CEP112: variants seen among roughly 807,000 people sequenced by gnomAD.
The protein encoded by CEP112 is centrosomal protein of 112 kDa.
CEP112 carries 127 observed loss-of-function variants against 153.0 expected under a neutral mutation model. The observed-to-expected ratio is 0.83, with a 90% CI of 0.72 to 0.96. CEP112 has a LOEUF of 0.96. Ranked by LOEUF, CEP112 falls within the 40% of genes least tolerant of loss-of-function variation. The pLI is 0.00. For synonymous variants in CEP112, 358 were observed against 374.4 expected (o/e 0.96, Z 0.51); for missense variants, 1,089 against 1,101.2 (o/e 0.99, Z 0.16).
chr17:66,097,132 T>C (rs1243275170), intron 6 of CEP112, among the ~76,000 whole-genome samples: 2 of 152,106 alleles, frequency 1.3e-5, no homozygotes, highest in Non-Finnish European at 2.9e-5. Context: ...CCTTTGGGAC[T>C]CCCCCTAAAT....
At chr17:65,695,381 TGTGAGTTTG>T (rs1182363755) in intron 23 of CEP112, among the ~76,000 whole-genome samples, 24 of 152,208 alleles carry the variant, frequency 1.6e-4, no homozygotes, top group African/African-American at 5.8e-4. Context: ...AGGGCTTTTC[TGTGAGTTTG>T]GGGAAAAAAG....
intron 5 of CEP112, among the ~76,000 whole-genome samples, chr17:66,130,713 T>C (rs905799606): frequency 3.4e-5 from 5 of 147,418 alleles, no homozygotes; most frequent in East Asian, 3.9e-4. Context: ...GAGGTGGAGC[T>C]TGCAGTGAGC....
intron 16 of CEP112, among the ~76,000 whole-genome samples, chr17:66,006,478 C>T (rs1808922): frequency 0.41 from 62,020 of 151,260 alleles, 14,095 homozygotes; most frequent in East Asian, 0.87. Flanking sequence ...TGGTAGCGCA[C>T]GCCTGTAAGC....
intron 4 of CEP112, among the ~76,000 whole-genome samples, chr17:66,142,713 C>T (rs1692692551): frequency 6.6e-6 from 1 of 152,084 alleles, no homozygotes; most frequent in African/African-American, 2.4e-5. Flanking sequence ...GTCTATATGT[C>T]TGTCTTTACG....
chr17:66,077,785 T>C (rs1428977207), intron 8 of CEP112, among the ~76,000 whole-genome samples: 4 of 152,220 alleles, frequency 2.6e-5, no homozygotes, highest in Non-Finnish European at 5.9e-5. Context: ...TGGTTATTAG[T>C]CCATTGTCAG....
chr17:66,190,226 T>G (rs148069826), intron 1 of CEP112, among the ~76,000 whole-genome samples: 5,302 of 151,886 alleles, frequency 0.035, 138 homozygotes, highest in Middle Eastern at 0.061. Context: ...GGAGAATCGC[T>G]TGAACCTGGG....
chr17:66,088,862 C>T (rs1009098662), intron 8 of CEP112, among the ~76,000 whole-genome samples: 1 of 152,044 alleles, frequency 6.6e-6, no homozygotes, highest in African/African-American at 2.4e-5. Context: ...TCCCAGTGGA[C>T]CAAAGAACCA....
chr17:66,018,435 G>T (rs556363440), intron 16 of CEP112, among the ~76,000 whole-genome samples: 19 of 152,238 alleles, frequency 1.2e-4, no homozygotes, highest in African/African-American at 4.6e-4. Context: ...ATAGTAAAGT[G>T]CACAGAGGAG....
At chr17:66,016,745 GA>G (rs1489722315) in intron 16 of CEP112, among the ~76,000 whole-genome samples, 2 of 151,950 alleles carry the variant, frequency 1.3e-5, no homozygotes, top group African/African-American at 4.8e-5. Context: ...ATTTACTGTT[GA>G]TTTTTTTTTT....
chr17:66,020,313 A>C (rs944208894), intron 16 of CEP112, among the ~76,000 whole-genome samples: 3 of 149,950 alleles, frequency 2.0e-5, no homozygotes, highest in African/African-American at 7.3e-5. Flanking sequence ...CTGCATTAAA[A>C]CTGCAACAAT....
chr17:65,900,806 G>T (rs1029305775), intron 20 of CEP112, among the ~76,000 whole-genome samples: 1 of 152,094 alleles, frequency 6.6e-6, no homozygotes, highest in Non-Finnish European at 1.5e-5. Context: ...CTCTAATGAG[G>T]CTGGTGGCAA....
At chr17:65,875,655 A>T (rs867088025) in intron 20 of CEP112, among the ~76,000 whole-genome samples, 1 of 152,166 alleles carries the variant, frequency 6.6e-6, no homozygotes, top group Admixed American at 6.5e-5. Flanking sequence ...GAATAACTAA[A>T]CTTTCATTTT....
intron 20 of CEP112, among the ~76,000 whole-genome samples, chr17:65,870,052 A>AGAAG: frequency 1.3e-5 from 1 of 77,150 alleles, no homozygotes; most frequent in Non-Finnish European, 3.1e-5. Flanking sequence ...AAAGAAAGAA[A>AGAAG]GAAAGAAAGA....
At chr17:66,146,566 G>A (rs2070928647) in intron 4 of CEP112, among the ~76,000 whole-genome samples, 1 of 152,036 alleles carries the variant, frequency 6.6e-6, no homozygotes, top group Non-Finnish European at 1.5e-5. Context: ...ATACGGTTCA[G>A]TGGTATTAAG....
chr17:65,705,614 C>A (rs1006163856), intron 23 of CEP112, among the ~76,000 whole-genome samples: 1 of 152,112 alleles, frequency 6.6e-6, no homozygotes, highest in Non-Finnish European at 1.5e-5. Context: ...TTCAATGACA[C>A]CACAAGGAAG....
chr17:66,015,501 A>G (rs1443300), intron 16 of CEP112, among the ~76,000 whole-genome samples: 78,232 of 152,002 alleles, frequency 0.51, 21,066 homozygotes, highest in African/African-American at 0.59. Flanking sequence ...GGCTTTGCAC[A>G]TTCAAAAATG....
intron 19 of CEP112, among the ~76,000 whole-genome samples, chr17:65,911,789 G>A (rs2060293976): frequency 6.6e-6 from 1 of 152,128 alleles, no homozygotes; most frequent in Non-Finnish European, 1.5e-5. Context: ...CCTGTTTCTA[G>A]AAAATTGTTT....
chr17:66,152,181 T>C (rs886656065), intron 4 of CEP112, among the ~76,000 whole-genome samples: 1 of 152,162 alleles, frequency 6.6e-6, no homozygotes, highest in Admixed American at 6.5e-5. Flanking sequence ...ACAAAGTTGA[T>C]TTGAAGAGGT....
chr17:65,967,246 T>C (rs2062447696), intron 17 of CEP112, among the ~76,000 whole-genome samples: 1 of 152,150 alleles, frequency 6.6e-6, no homozygotes, highest in African/African-American at 2.4e-5. Flanking sequence ...TAAATAGGAA[T>C]GAAGAATCTT....
Sources: gnomAD v4.1 joint callset for allele counts (sites outside exome capture counted in the v4.1 genomes callset) on GRCh38, gnomAD v4.1.1 for gene constraint, MANE v1.5 for transcripts, NCBI Gene and HGNC (gene_info 2026-07-23, HGNC 2026-07-21) for gene names.